HACE1: variants seen among roughly 807,000 people sequenced by gnomAD.
The protein encoded by HACE1 is E3 ubiquitin-protein ligase HACE1.
Under a neutral mutation model 118.4 loss-of-function variants are expected in HACE1, and 73 were observed. That is an observed-to-expected ratio of 0.62 (90% CI 0.51 to 0.75). HACE1 has a LOEUF of 0.75. HACE1 is among the 30% of genes least tolerant of loss of function. The pLI, the probability that HACE1 is intolerant of heterozygous loss-of-function variation, is 0.00. For missense variants in HACE1, 749 were observed against 1,102.2 expected (o/e 0.68, Z 4.54); for synonymous variants, 368 against 374.8 (o/e 0.98, Z 0.21).
chr6:104,802,202 C>T (rs1258003644), intron 7 of HACE1, among the ~76,000 whole-genome samples: 6 of 152,110 alleles, frequency 3.9e-5, no homozygotes, highest in African/African-American at 7.2e-5. Flanking sequence ...CACAGGAGCA[C>T]GCAGACTCAT....
At chr6:104,855,735 T>C (rs1776657124) in intron 1 of HACE1, among the ~76,000 whole-genome samples, 1 of 152,152 alleles carries the variant, frequency 6.6e-6, no homozygotes, top group Non-Finnish European at 1.5e-5. Flanking sequence ...CCAATAAAAA[T>C]CTGAACTTCT....
At chr6:104,810,933 C>T (rs767833540) in intron 7 of HACE1, among the ~76,000 whole-genome samples, 29 of 151,898 alleles carry the variant, frequency 1.9e-4, no homozygotes, top group African/African-American at 5.5e-4. Flanking sequence ...ACACAGTAAA[C>T]GATGGGAATT....
At chr6:104,749,451 G>GA (rs1582650021) in intron 20 of HACE1, among the ~76,000 whole-genome samples, 1 of 151,938 alleles carries the variant, frequency 6.6e-6, no homozygotes, top group East Asian at 1.9e-4. Context: ...TACTATGAAT[G>GA]ATAAATTAAA....
intron 1 of HACE1, among the ~76,000 whole-genome samples, chr6:104,853,611 G>C (rs1776447642): frequency 6.6e-6 from 1 of 152,120 alleles, no homozygotes; most frequent in African/African-American, 2.4e-5. Context: ...TATTTACACA[G>C]TATCAAGTAC....
chr6:104,751,286 T>C (rs1216519319), intron 19 of HACE1, among the ~76,000 whole-genome samples: 3 of 152,216 alleles, frequency 2.0e-5, no homozygotes, highest in African/African-American at 7.2e-5. Context: ...TTTGAAAGTA[T>C]TCAAAAAATA....
chr6:104,856,850 T>C (rs1776772507), intron 1 of HACE1, among the ~76,000 whole-genome samples: 1 of 152,186 alleles, frequency 6.6e-6, no homozygotes, highest in Non-Finnish European at 1.5e-5. Context: ...CTCAACTACC[T>C]GCACTCCATT....
At position 104,784,985 on chromosome 6, in the gene HACE1, C is replaced by T; in HGVS notation, c.1409G>A (p.Gly470Glu). The change falls in exon 12 of 24, where the codon GGA becomes GAA. Residue 470 changes from glycine to glutamate, a missense_variant and splice_region_variant. Gly to Glu is a moderately conservative substitution (Grantham distance 98). Transcript: ENST00000262903. ...YMCCSCQMPP[G>E]MTSPRFIEFV... ...AAATAATAAGCCAAAACTTTCTTAC[C>T]CCGGAGGCATCTGACAAGAACAGCA... 1.2e-6 allele frequency: 2 copies of T among 1,605,372 alleles called. No individual in the cohort carries two copies. Among genetic ancestry groups the T allele is most frequent in the Non-Finnish European group, 1.7e-6 (2 of 1,172,984 alleles).
At chr6:104,757,004 C>T (rs1270040444) in intron 19 of HACE1, among the ~76,000 whole-genome samples, 2 of 152,180 alleles carry the variant, frequency 1.3e-5, no homozygotes, top group African/African-American at 2.4e-5. Flanking sequence ...GGGCGTCCAC[C>T]ATTGCTGAGG....
chr6:104,744,200 G>T lies in HACE1; in HGVS notation c.2473C>A (p.Gln825Lys), dbSNP rs1183621473. 2 of 1,604,186 alleles carry T rather than the reference G, an allele frequency of 1.2e-6. No individual in the cohort carries two copies. Among genetic ancestry groups the T allele is most frequent in the South Asian group, 2.2e-5 (2 of 90,862 alleles). Residue 825 changes from glutamine (Q) to lysine (K), a missense_variant, in exon 22 of 24, where the codon CAA becomes AAA. Coordinates refer to ENST00000262903, the MANE Select transcript of HACE1 (RefSeq NM_020771.4). ...TGTAAGAGAAGAACTCTCTCCTCTT[G>T]AGTAATGTCTTCTACAACTTCCCAG... Reference protein sequence around the residue: ...WFWEVVEDITQEERVLLLQFV... With the variant: ...WFWEVVEDITKEERVLLLQFV...
chr6:104,775,549 A>G (rs564525127), intron 17 of HACE1, among the ~76,000 whole-genome samples: 4 of 152,304 alleles, frequency 2.6e-5, no homozygotes, highest in Admixed American at 1.3e-4. Context: ...AAGAGAAGAA[A>G]TAAGTCTAAA....
chr6:104,739,238 C>T (rs1039883920), intron 22 of HACE1, among the ~76,000 whole-genome samples: 2 of 152,114 alleles, frequency 1.3e-5, no homozygotes, highest in African/African-American at 4.8e-5. Context: ...ACCATCAAGA[C>T]TAGGAAGAAA....
chr6:104,823,229 T>C (rs1772968133), intron 6 of HACE1, among the ~76,000 whole-genome samples: 1 of 151,466 alleles, frequency 6.6e-6, no homozygotes, highest in Admixed American at 6.6e-5. Context: ...AGGTCAGGAG[T>C]TCAAGATCAG....
chr6:104,833,281 A>C (rs1166283365), intron 5 of HACE1, 108 bp from the exon 6 acceptor site: 4 of 990,184 alleles, frequency 4.0e-6, no homozygotes, highest in Admixed American at 1.7e-5. Context: ...ATGCAAATCT[A>C]AAGGTGTTTT....
At position 104,859,689 on chromosome 6, in the gene HACE1, C is replaced by G; in HGVS notation, c.-47G>C. On this transcript the variant is annotated 5_prime_UTR_variant, in exon 1 of 24. Transcript: ENST00000262903. Reference sequence around the variant, plus strand: ...CCTCCGCGATCAGCCGCCCCACCGGCGGCCTCCGCGCCCAGAGCCCTACAT... The same window carrying G: ...CCTCCGCGATCAGCCGCCCCACCGGGGGCCTCCGCGCCCAGAGCCCTACAT... 1 of 1,489,414 alleles carries G rather than the reference C, an allele frequency of 6.7e-7. No homozygotes were observed. Among genetic ancestry groups the G allele is most frequent in the Non-Finnish European group, 9.0e-7 (1 of 1,109,302 alleles). The allele number at this position is 1,489,414 out of a possible 1,614,324, so 92.3% of individuals were successfully genotyped here.
At chr6:104,816,721 G>A (rs1405229004) in intron 6 of HACE1, among the ~76,000 whole-genome samples, 1 of 152,092 alleles carries the variant, frequency 6.6e-6, no homozygotes, top group Admixed American at 6.5e-5. Flanking sequence ...CCAACAATAG[G>A]AGACCCACTG....
intron 11 of HACE1, among the ~76,000 whole-genome samples, chr6:104,789,825 C>A (rs560241591): frequency 3.0e-4 from 45 of 152,064 alleles, no homozygotes; most frequent in African/African-American, 9.4e-4. Flanking sequence ...GGGTAGATTC[C>A]GTCACTAACA....
intron 6 of HACE1, among the ~76,000 whole-genome samples, chr6:104,817,786 C>A (rs548964207): frequency 6.6e-6 from 1 of 152,336 alleles, no homozygotes; most frequent in Non-Finnish European, 1.5e-5. Context: ...CAGTTCACTA[C>A]TTGACTGAGC....
intron 7 of HACE1, among the ~76,000 whole-genome samples, chr6:104,809,650 A>G (rs917026059): frequency 2.1e-5 from 3 of 144,314 alleles, no homozygotes; most frequent in African/African-American, 8.0e-5. Context: ...TAACAAGAGC[A>G]GATTCTTTTT....
chr6:104,831,633 C>T (rs958597679), intron 6 of HACE1, among the ~76,000 whole-genome samples: 2 of 150,376 alleles, frequency 1.3e-5, no homozygotes, highest in Admixed American at 6.6e-5. Context: ...GTGGCTCACG[C>T]CTGTAATCCC....
Sources: gnomAD v4.1 joint callset for allele counts (sites outside exome capture counted in the v4.1 genomes callset) on GRCh38, gnomAD v4.1.1 for gene constraint, MANE v1.5 for transcripts, NCBI Gene and HGNC (gene_info 2026-07-23, HGNC 2026-07-21) for gene names.